Variants in DHX8 observed in about 807,000 individuals in gnomAD.
The protein encoded by DHX8 is DEAH-box helicase 8.
In DHX8, 67 loss-of-function variants were observed where a neutral mutation model predicts 140.7. That is an observed-to-expected ratio of 0.48 (90% CI 0.39 to 0.58). The LOEUF (loss-of-function observed/expected upper bound fraction) is 0.58. Among genes scored for constraint, DHX8 ranks in the 20% least tolerant of loss-of-function variants. The pLI is 0.00. For synonymous variants in DHX8, 533 were observed against 553.2 expected, an observed-to-expected ratio of 0.96 and a Z score of 0.51; for missense variants, 887 against 1,550.7, an observed-to-expected ratio of 0.57 and a Z score of 7.19.
At chr17:43,537,567 G>A (rs1323935907) in intron 3 of DHX8, among the ~76,000 whole-genome samples, 8 of 151,526 alleles carry the variant, frequency 5.3e-5, no homozygotes, top group African/African-American at 1.7e-4. Flanking sequence ...GTGGCGGTGG[G>A]CACCTGTAAT....
At position 43,538,611 on chromosome 17, in the gene DHX8, C is replaced by T. The variant is rs565351012; in HGVS notation, c.*20+2113C>T. ...AGTTCTTATTCTGGCCTCCCCAGAG[C>T]GGGGCTTCTCAGGTGGTTATACAGC... On this transcript the variant is annotated intron_variant, in intron 3 of 3. Transcript: ENST00000589898. 6.6e-5 allele frequency among the ~76,000 whole-genome samples: 10 copies of T among 152,182 alleles called. No individual in the cohort carries two copies. In the South Asian group the frequency reaches 1.2e-3, roughly 19 times the overall value.
intron 3 of DHX8, among the ~76,000 whole-genome samples, chr17:43,540,049 GAACA>G (rs1409988834): frequency 6.6e-6 from 1 of 152,160 alleles, no homozygotes; most frequent in Non-Finnish European, 1.5e-5. Flanking sequence ...CCGCTGGCAA[GAACA>G]AACAGAAACA....
intron 11 of DHX8, 70 bp downstream of exon 11, chr17:43,500,173 A>C (rs907125792): frequency 1.3e-5 from 20 of 1,510,200 alleles, no homozygotes; most frequent in Middle Eastern, 4.3e-4. Context: ...GGGAGGGGTC[A>C]CTCCCGGCAC....
At chr17:43,538,232 G>A (rs542154743) in intron 3 of DHX8, among the ~76,000 whole-genome samples, 3 of 152,082 alleles carry the variant, frequency 2.0e-5, no homozygotes, top group Non-Finnish European at 4.4e-5. Context: ...ACTTGAACCC[G>A]GGAGGTGGAG....
intron 2 of DHX8, chr17:43,532,557 G>T: frequency 1.1e-6 from 1 of 883,406 alleles, no homozygotes; most frequent in Non-Finnish European, 1.7e-6. Context: ...GAAAAAAAGT[G>T]GGTGGGTGGG....
intron 8 of DHX8, 112 bp downstream of exon 8, chr17:43,493,998 C>A: frequency 3.0e-6 from 3 of 1,007,514 alleles, no homozygotes; most frequent in South Asian, 1.5e-5. Flanking sequence ...CTGTATTAGT[C>A]TGTTTTCACA....
In DHX8 at chr17:43,525,222, C is replaced by G; in HGVS notation, c.*1375C>G. 1 of 985,438 alleles carries G rather than the reference C, an allele frequency of 1.0e-6. No individual in the cohort carries two copies. Among genetic ancestry groups the G allele is most frequent in the Non-Finnish European group, 1.2e-6 (1 of 829,942 alleles). The allele number at this position is 985,438 out of a possible 1,614,324, so 61.0% of individuals were successfully genotyped here. On this transcript the variant is annotated 3_prime_UTR_variant, in exon 23 of 23. Transcript: ENST00000262415. Reference sequence around the variant, plus strand: ...CTGAGAGATTGGGCACATCCTGTTACGTTGCTGCTTCTCCTGTCCTTATGT... The same window carrying G: ...CTGAGAGATTGGGCACATCCTGTTAGGTTGCTGCTTCTCCTGTCCTTATGT...
chr17:43,529,694 A>G (rs199864425), downstream of DHX8: 872 of 1,600,706 alleles, frequency 5.4e-4, no homozygotes, highest in Non-Finnish European at 6.9e-4. Flanking sequence ...ACACGAAAAT[A>G]GGAGGTGTGG....
At chr17:43,497,260 A>G (rs1192286122) in intron 9 of DHX8, among the ~76,000 whole-genome samples, 1 of 145,004 alleles carries the variant, frequency 6.9e-6, no homozygotes, top group Admixed American at 6.9e-5. Flanking sequence ...GTTGATATTT[A>G]TATTGGTATT....
rs1968496904 is a variant in DHX8 at position 43,491,185 on chromosome 17, A to G, written c.328A>G (p.Thr110Ala). 1.9e-6 allele frequency: 3 copies of G among 1,541,478 alleles called. No individual in the cohort carries two copies. Among genetic ancestry groups the G allele is most frequent in the South Asian group, 1.3e-5 (1 of 77,014 alleles). The stretch of plus-strand genomic sequence containing the variant: ...ACAAGATCCAGTTGTTAAACCTAAA[A>G]CAGAAAAAGAAAAGCTGAAGGAACT... Reference protein sequence around the residue: ...TSKDPVVKPKTEKEKLKELFP... With the variant: ...TSKDPVVKPKAEKEKLKELFP... The change falls in exon 4 of 23, where the codon ACA (threonine) becomes GCA (alanine). Residue 110 changes from threonine to alanine, a missense_variant. By Grantham distance (58) the Thr-to-Ala change is moderately conservative. This residue lies in a region of DHX8 where 304 missense variants were observed against 306.9 expected (regional missense o/e 0.99). Coordinates refer to ENST00000262415, the MANE Select transcript of DHX8 (RefSeq NM_004941.3).
At chr17:43,529,674 C>A, downstream of DHX8, 1 of 1,606,078 alleles carries the variant, frequency 6.2e-7, no homozygotes, top group Non-Finnish European at 8.5e-7. Flanking sequence ...TGCTTGATGT[C>A]TCCTGGGGAA....
intron 16 of DHX8, among the ~76,000 whole-genome samples, chr17:43,509,473 A>G (rs983899303): frequency 1.4e-5 from 2 of 147,928 alleles, no homozygotes; most frequent in Non-Finnish European, 3.0e-5. Context: ...AACTCCCTCC[A>G]CCTCCCACTT....
At chr17:43,512,675 G>T (rs1969908856) in intron 16 of DHX8, among the ~76,000 whole-genome samples, 2 of 152,184 alleles carry the variant, frequency 1.3e-5, no homozygotes, top group African/African-American at 4.8e-5. Context: ...TTCAGGACCA[G>T]TAAGATGCTG....
chr17:43,537,407 G>A (rs976633574), intron 3 of DHX8, among the ~76,000 whole-genome samples: 3 of 151,612 alleles, frequency 2.0e-5, no homozygotes, highest in African/African-American at 7.3e-5. Flanking sequence ...ATCACATAGG[G>A]GGGTGGCTGG....
At chr17:43,518,435 T>C (rs1337913658) in intron 18 of DHX8, 1 of 152,186 alleles carries the variant, frequency 6.6e-6, no homozygotes, top group Non-Finnish European at 1.5e-5. Context: ...AACATAGTTT[T>C]TACCCAGTGT....
chr17:43,535,308 C>T (rs1047522798), intron 2 of DHX8, among the ~76,000 whole-genome samples: 2 of 151,896 alleles, frequency 1.3e-5, no homozygotes, highest in African/African-American at 2.4e-5. Context: ...GATGGAGCCT[C>T]GCTCTGTCAC....
chr17:43,487,050 C>A (rs1296509876), intron 1 of DHX8, among the ~76,000 whole-genome samples: 1 of 152,096 alleles, frequency 6.6e-6, no homozygotes, highest in Non-Finnish European at 1.5e-5. Flanking sequence ...TTATTCCTAG[C>A]TCCCCCCAGT....
At chr17:43,502,053 A>G (rs1969225713) in intron 11 of DHX8, among the ~76,000 whole-genome samples, 1 of 152,182 alleles carries the variant, frequency 6.6e-6, no homozygotes, top group Admixed American at 6.5e-5. Flanking sequence ...GAATGATGGG[A>G]ACACTGGAGG....
intron 3 of DHX8, among the ~76,000 whole-genome samples, chr17:43,536,731 A>T (rs1971261875): frequency 6.6e-6 from 1 of 152,276 alleles, no homozygotes; most frequent in Non-Finnish European, 1.5e-5. Flanking sequence ...CAAGGAATTT[A>T]TGTTGGGCCT....
Sources: gnomAD v4.1 joint callset for allele counts (sites outside exome capture counted in the v4.1 genomes callset) on GRCh38, gnomAD v4.1.1 for gene constraint, gnomAD v4.1.1 regional missense constraint, MANE v1.5 for transcripts, NCBI Gene and HGNC (gene_info 2026-07-23, HGNC 2026-07-21) for gene names.